Variants in RNF216 observed in about 807,000 individuals in gnomAD.
RNF216 encodes ring finger protein 216, also known as E3 ubiquitin-protein ligase RNF216.
Under a neutral mutation model 110.8 loss-of-function variants are expected in RNF216, and 72 were observed. The observed-to-expected ratio is 0.65, with a 90% CI of 0.54 to 0.79. The LOEUF is 0.79. RNF216 is among the 30% of genes least tolerant of loss of function. The pLI, the probability that RNF216 is intolerant of heterozygous loss-of-function variation, is 0.00. For missense variants in RNF216, 1,342 were observed against 1,141.2 expected, an observed-to-expected ratio of 1.18 and a Z score of -2.54; for synonymous variants, 495 against 407.5, an observed-to-expected ratio of 1.21 and a Z score of -2.59.
chr7:5,744,709 A>C (rs1794942894), intron 3 of RNF216, among the ~76,000 whole-genome samples: 1 of 152,258 alleles, frequency 6.6e-6, no homozygotes, highest in South Asian at 2.1e-4. Flanking sequence ...CGGTTGGCTT[A>C]TGCCTATAAT....
Position 5,739,337 on chromosome 7 carries a change from C to G in RNF216, c.1060G>C (p.Asp354His). 6.3e-7 allele frequency: 1 copy of G among 1,597,248 alleles called. No homozygotes were observed. The highest frequency in any genetic ancestry group is 8.5e-7 in the Non-Finnish European group (1 of 1,174,924). The change falls in exon 5 of 17, where the codon GAT becomes CAT. Residue 354 changes from aspartate to histidine, a missense_variant. Coordinates refer to ENST00000389902, the MANE Select transcript of RNF216 (RefSeq NM_207111.4). ...LVKETEARFPDVANGFIEEII... is the reference protein window; with the variant it reads ...LVKETEARFPHVANGFIEEII... ...TCCTCAATAAACCCATTTGCTACAT[C>G]TGGAAATCTTGCTTCCTAGAAACAA...
intron 13 of RNF216, among the ~76,000 whole-genome samples, chr7:5,659,643 G>A (rs571383829): frequency 6.6e-6 from 1 of 152,312 alleles, no homozygotes; most frequent in East Asian, 1.9e-4. Flanking sequence ...TGGGGTTGTA[G>A]GACCTTGCAG....
intron 1 of RNF216, chr7:5,777,526 T>A (rs1487393885): frequency 1.3e-5 from 2 of 151,772 alleles, no homozygotes; most frequent in African/African-American, 2.4e-5. Context: ...GACTGCAGAG[T>A]TAGAGTCGAT....
At chr7:5,641,053 C>T in intron 15 of RNF216, 101 bp downstream of exon 15, 3 of 941,150 alleles carry the variant, frequency 3.2e-6, no homozygotes, top group Non-Finnish European at 3.2e-6. Context: ...CTATATTCTT[C>T]TCCTAAGTCA....
chr7:5,666,634 G>A (rs1394946872), intron 13 of RNF216: 2 of 152,170 alleles, frequency 1.3e-5, no homozygotes, highest in African/African-American at 4.8e-5. Flanking sequence ...TTCACGGGGA[G>A]CTCTCAAGCC....
At chr7:5,724,591 G>C (rs1329244817) in intron 8 of RNF216, among the ~76,000 whole-genome samples, 1 of 152,162 alleles carries the variant, frequency 6.6e-6, no homozygotes, top group Non-Finnish European at 1.5e-5. Context: ...AGGAACCTCA[G>C]GAGTCACAGC....
chr7:5,735,054 A>G (rs1370727741), intron 5 of RNF216, among the ~76,000 whole-genome samples: 2 of 150,950 alleles, frequency 1.3e-5, no homozygotes, highest in South Asian at 2.1e-4. Flanking sequence ...GCTGAGGCAG[A>G]AGAATCGCTC....
chr7:5,684,746 G>A (rs1265321456), intron 13 of RNF216, among the ~76,000 whole-genome samples: 1 of 152,174 alleles, frequency 6.6e-6, no homozygotes, highest in Non-Finnish European at 1.5e-5. Flanking sequence ...TCTTCTTCAA[G>A]GCACCTCACA....
At chr7:5,725,782 G>A (rs1163462909) in intron 7 of RNF216, among the ~76,000 whole-genome samples, 5 of 151,264 alleles carry the variant, frequency 3.3e-5, no homozygotes, top group South Asian at 2.1e-4. Flanking sequence ...CCCAGGAGGC[G>A]GAGGTCGCAG....
intron 1 of RNF216, among the ~76,000 whole-genome samples, chr7:5,762,123 A>C (rs1584597157): frequency 6.6e-6 from 1 of 152,372 alleles, no homozygotes; most frequent in South Asian, 2.1e-4. Flanking sequence ...AATAAAATTC[A>C]TATGATACAA....
intron 13 of RNF216, among the ~76,000 whole-genome samples, chr7:5,694,633 G>A (rs1004105915): frequency 6.6e-6 from 1 of 152,192 alleles, no homozygotes; most frequent in Non-Finnish European, 1.5e-5. Flanking sequence ...GCCAAAGGAT[G>A]AGGCCCACTT....
intron 5 of RNF216, 34 bp downstream of exon 5, chr7:5,739,230 TACCACCACCACC>T (rs746317006): frequency 2.7e-6 from 4 of 1,485,594 alleles, no homozygotes; most frequent in East Asian, 4.7e-5. Flanking sequence ...ACATATATTT[TACCACCACCACC>T]ACCACCACAA....
chr7:5,654,305 A>C lies in RNF216; in HGVS notation c.2062-1795T>G, dbSNP rs532580831. Reference sequence around the variant, plus strand: ...ATACTATATGTGTACTATCTAATAAAAAGAATTTAAAAAGGGAGAAAAATG... The same window carrying C: ...ATACTATATGTGTACTATCTAATAACAAGAATTTAAAAAGGGAGAAAAATG... On this transcript the variant is annotated intron_variant, in intron 13 of 16. Coordinates refer to ENST00000389902, the MANE Select transcript of RNF216 (RefSeq NM_207111.4). Among the ~76,000 whole-genome samples the C allele has an allele frequency of 3.3e-5, 5 of 152,272 alleles. No homozygotes were observed. In the East Asian group the frequency reaches 7.7e-4, roughly 23 times the overall value.
At chr7:5,653,404 C>T (rs1788518432) in intron 13 of RNF216, among the ~76,000 whole-genome samples, 1 of 151,748 alleles carries the variant, frequency 6.6e-6, no homozygotes. Flanking sequence ...TGAAACCATC[C>T]TGGCTAACAC....
Position 5,741,831 on chromosome 7 carries a change from A to AT in RNF216, c.202-17dup. 1 of 1,575,200 alleles carries AT rather than the reference A, an allele frequency of 6.3e-7. No homozygotes were observed. The highest frequency in any genetic ancestry group is 8.6e-7 in the Non-Finnish European group (1 of 1,165,350). ...GTTTATTTGTCTAAGAAAAAATGAA[A>AT]TTTTAATAATTCAATTTCTTTCCTA... On this transcript the variant is annotated splice_polypyrimidine_tract_variant and intron_variant, in intron 3 of 16. Transcript: ENST00000389902.
intron 13 of RNF216, among the ~76,000 whole-genome samples, chr7:5,679,205 C>T (rs1458414304): frequency 2.0e-5 from 3 of 149,530 alleles, no homozygotes; most frequent in South Asian, 2.1e-4. Context: ...GGTGGTGGTG[C>T]GGTGGCGGGG....
At chr7:5,770,513 G>A (rs1293721578) in intron 1 of RNF216, among the ~76,000 whole-genome samples, 1 of 151,390 alleles carries the variant, frequency 6.6e-6, no homozygotes, top group Admixed American at 6.6e-5. Flanking sequence ...TAAATGTAGA[G>A]ACATACCATA....
rs779519196 is a variant in RNF216 at position 5,622,856 on chromosome 7, G to C, written c.*4C>G. The C allele has an allele frequency of 3.8e-6, 6 of 1,593,496 alleles. No individual in the cohort carries two copies. The highest frequency in any genetic ancestry group is 4.3e-6 in the Non-Finnish European group (5 of 1,167,410). On this transcript the variant is annotated 3_prime_UTR_variant, in exon 17 of 17. Transcript: ENST00000389902. ...TTGTGCTGCTCAATGGGGATTCGGG[G>C]CCATCAGAAGCGATGCCGCGGCTGG...
intron 8 of RNF216, among the ~76,000 whole-genome samples, chr7:5,722,903 G>C (rs1309933842): frequency 1.3e-5 from 2 of 151,914 alleles, no homozygotes; most frequent in Admixed American, 1.3e-4. Context: ...GCGAGGCTGA[G>C]GCAGGAGAAT....
Sources: allele counts gnomAD v4.1 joint callset (sites outside exome capture counted in the v4.1 genomes callset), GRCh38; gene constraint gnomAD v4.1.1; transcripts MANE v1.5; gene names NCBI Gene and HGNC (gene_info 2026-07-23, HGNC 2026-07-21).